The following TOP1 variants were observed in gnomAD, a reference collection of about 807,000 sequenced individuals.
TOP1 encodes the protein DNA topoisomerase I.
Under a neutral mutation model 111.1 loss-of-function variants are expected in TOP1, and 10 were observed. The ratio of observed to expected loss-of-function variants is 0.09; its 90% CI spans 0.06 to 0.15. The LOEUF (loss-of-function observed/expected upper bound fraction) is 0.15. Among genes scored for constraint, TOP1 ranks in the 10% least tolerant of loss-of-function variants. TOP1 has a pLI of 1.00. For missense variants in TOP1, 474 were observed against 926.7 expected (o/e 0.51, Z 6.34); for synonymous variants, 271 against 302.9 (o/e 0.89, Z 1.10).
At position 41,097,345 on chromosome 20, in the gene TOP1, C is replaced by G. The variant is rs1194761319; in HGVS notation, c.852+4C>G. 1 of 1,611,974 alleles carries G rather than the reference C, an allele frequency of 6.2e-7. No homozygotes were observed. Among genetic ancestry groups the G allele is most frequent in the Non-Finnish European group, 8.5e-7 (1 of 1,179,088 alleles). ...TTTCTTTAAAGACTGGAGAAAGGTACTGTAGCCCATGTGTTAATATCCTAG... is the reference window on the plus strand; with the variant it reads ...TTTCTTTAAAGACTGGAGAAAGGTAGTGTAGCCCATGTGTTAATATCCTAG... On this transcript the variant is annotated splice_donor_region_variant and intron_variant, in intron 10 of 20. Coordinates refer to ENST00000361337, the MANE Select transcript of TOP1 (RefSeq NM_003286.4). The surrounding 1 kb of genome is among the most constrained non-coding windows in gnomAD (Gnocchi z 4.2).
At chr20:41,113,916 G>GT in intron 14 of TOP1, 54 bp from the exon 15 acceptor site, 2 of 1,148,434 alleles carry the variant, frequency 1.7e-6, no homozygotes, top group Non-Finnish European at 2.5e-6. Flanking sequence ...ACGAAATTGT[G>GT]TAAGGATCAT....
chr20:41,061,513 C>A lies in TOP1; in HGVS notation c.155+23C>A. Reference sequence around the variant, plus strand: ...CAGGTAAGGGTGGAATCAAGCAAGTCCCTCATCATTCAGCAGTGGGTTGGC... The same window carrying A: ...CAGGTAAGGGTGGAATCAAGCAAGTACCTCATCATTCAGCAGTGGGTTGGC... On this transcript the variant is annotated intron_variant, in intron 3 of 20. Coordinates refer to ENST00000361337, the MANE Select transcript of TOP1 (RefSeq NM_003286.4). This position sits in a 1 kb window ranked among gnomAD's most constrained non-coding sequence, Gnocchi z 4.6. 6.4e-7 allele frequency: 1 copy of A among 1,560,442 alleles called. No homozygotes were observed. The highest frequency in any genetic ancestry group is 1.2e-5 in the South Asian group (1 of 86,194).
intron 13 of TOP1, among the ~76,000 whole-genome samples, chr20:41,104,721 C>T (rs1452260327): frequency 1.3e-5 from 2 of 152,118 alleles, no homozygotes; most frequent in Non-Finnish European, 2.9e-5. Context: ...CAATAGGAGT[C>T]ATTAAAGGCC....
chr20:41,084,616 C>G (rs1273613868), intron 8 of TOP1, 48 bp downstream of exon 8: 1 of 1,068,186 alleles, frequency 9.4e-7, no homozygotes, highest in Non-Finnish European at 1.3e-6. Flanking sequence ...TATTGCATAT[C>G]CTTACGAAGC....
At chr20:41,113,379 AAT>A (rs2034273450) in intron 14 of TOP1, among the ~76,000 whole-genome samples, 1 of 152,096 alleles carries the variant, frequency 6.6e-6, no homozygotes, top group African/African-American at 2.4e-5. Flanking sequence ...TGCCTTATTT[AAT>A]TTTTTTTTTC....
intron 2 of TOP1, among the ~76,000 whole-genome samples, chr20:41,049,674 A>G (rs1412775475): frequency 3.3e-5 from 5 of 152,176 alleles, no homozygotes; most frequent in African/African-American, 1.2e-4. Context: ...TATGCTTATT[A>G]TGAAACTTGA....
At chr20:41,031,395 C>T (rs995531243) in intron 2 of TOP1, among the ~76,000 whole-genome samples, 4 of 152,152 alleles carry the variant, frequency 2.6e-5, no homozygotes, top group Non-Finnish European at 5.9e-5. Flanking sequence ...CAAAGTTTAG[C>T]CCTTTCTTGT....
chr20:41,093,603 T>C (rs1245509523), intron 9 of TOP1, among the ~76,000 whole-genome samples: 1 of 152,152 alleles, frequency 6.6e-6, no homozygotes, highest in African/African-American at 2.4e-5. Flanking sequence ...CCCCACTGTT[T>C]TCTTCTCACC....
intron 2 of TOP1, among the ~76,000 whole-genome samples, chr20:41,059,409 AAAATAAATAAATAAATAAAT>A (rs55866021): frequency 1.5e-4 from 21 of 138,042 alleles, no homozygotes; most frequent in East Asian, 4.2e-4. Context: ...AAACTGCTAG[AAAATAAATAAATAAATAAAT>A]AAATAAATAA....
At chr20:41,108,357 A>C (rs1192679548) in intron 13 of TOP1, among the ~76,000 whole-genome samples, 1 of 152,246 alleles carries the variant, frequency 6.6e-6, no homozygotes, top group Non-Finnish European at 1.5e-5. Context: ...CAATTTAAAA[A>C]ATTAAAGGAA....
chr20:41,086,262 CAAAAAAAAAAA>C (rs561307231), intron 8 of TOP1, among the ~76,000 whole-genome samples: 2 of 93,510 alleles, frequency 2.1e-5, no homozygotes, highest in African/African-American at 7.0e-5. Context: ...GACTCTGTCT[CAAAAAAAAAAA>C]AAAGAAAAAA....
rs1205931136 is a variant in TOP1, at chr20:41,101,374, T to C, written c.1308+21T>C. On this transcript the variant is annotated intron_variant, in intron 13 of 20. Transcript: ENST00000361337. This position sits in a 1 kb window ranked among gnomAD's most constrained non-coding sequence, Gnocchi z 4.1. ...TCAAGGTAAGGGGATAGTTGAGAGC[T>C]GCACTGGTTCATGGTGCTGATAACC... is the stretch of plus-strand genomic sequence containing the variant. The C allele has an allele frequency of 6.2e-7, 1 of 1,609,914 alleles. No homozygotes were observed. Among genetic ancestry groups the C allele is most frequent in the Admixed American group, 1.7e-5 (1 of 59,860 alleles).
In TOP1 at chr20:41,094,475, A is replaced by G. The variant is rs931666736; in HGVS notation, c.730+1888A>G. Among the ~76,000 whole-genome samples, 1 of 152,172 alleles carries G rather than the reference A, an allele frequency of 6.6e-6. No homozygotes were observed. Among genetic ancestry groups the G allele is most frequent in the Non-Finnish European group, 1.5e-5 (1 of 68,026 alleles). Reference sequence around the variant, plus strand: ...GATGGGAGGGAAAGCTAGATTCCCTAGTCCTGTGGTTTCTCTTCCTTTTCA... The same window carrying G: ...GATGGGAGGGAAAGCTAGATTCCCTGGTCCTGTGGTTTCTCTTCCTTTTCA... On this transcript the variant is annotated intron_variant, in intron 9 of 20. Transcript: ENST00000361337. This position sits in a 1 kb window ranked among gnomAD's most constrained non-coding sequence, Gnocchi z 4.4.
At chr20:41,117,164 C>A (rs1048267916) in intron 17 of TOP1, among the ~76,000 whole-genome samples, 1 of 151,990 alleles carries the variant, frequency 6.6e-6, no homozygotes, top group Non-Finnish European at 1.5e-5. Context: ...CCAGCCTGGG[C>A]AATGTAGTGA....
chr20:41,072,433 A>T, intron 3 of TOP1: 1 of 985,394 alleles, frequency 1.0e-6, no homozygotes, highest in South Asian at 4.7e-5. Flanking sequence ...AAAAAGACAT[A>T]CATGTTAGAA....
In TOP1 at chr20:41,029,210, C is replaced by G. The variant is rs1015732753; in HGVS notation, c.33+110C>G. The stretch of plus-strand genomic sequence containing the variant: ...GCCCGGCAGCTTTGACAGGCCGGAG[C>G]CCCCGGTGAGGGGCCGCCTGCCGGA... On this transcript the variant is annotated intron_variant, in intron 1 of 20. Coordinates refer to ENST00000361337, the MANE Select transcript of TOP1 (RefSeq NM_003286.4). This position sits in a 1 kb window ranked among gnomAD's most constrained non-coding sequence, Gnocchi z 6.1. 1 of 946,834 alleles carries G rather than the reference C, an allele frequency of 1.1e-6. No homozygotes were observed. The highest frequency in any genetic ancestry group is 4.2e-5 in the Admixed American group (1 of 23,548). The allele number at this position is 946,834 out of a possible 1,614,324, so 58.7% of individuals were successfully genotyped here.
Position 41,117,446 on chromosome 20 carries a change from C to T in TOP1, c.1823-723C>T, listed in dbSNP as rs545517471. Among the ~76,000 whole-genome samples the T allele has an allele frequency of 6.2e-4, 75 of 121,802 alleles. 1 individual carries two copies. Among genetic ancestry groups the T allele is most frequent in the African/African-American group, 2.3e-3 (70 of 30,366 alleles). The allele number at this position is 121,802 out of a possible 152,430, so 79.9% of individuals were successfully genotyped here. A position where few individuals can be genotyped will look rare whatever the true frequency, so the allele number is the denominator to read the frequency against. ...TGTCACCCAGGTTGGAGTGCAGTGG[C>T]GCGATCTCGGCTCACTGCAAGCTCC... is the stretch of plus-strand genomic sequence containing the variant. On this transcript the variant is annotated intron_variant, in intron 17 of 20. Coordinates refer to ENST00000361337, the MANE Select transcript of TOP1 (RefSeq NM_003286.4).
Position 41,098,478 on chromosome 20 carries a change from C to G in TOP1, c.975+141C>G. ...GCTAAAGACTTAGAGTTCTCAAAGTCTAAATTTTCTTAAAGGTTTTAGTTA... is the reference window on the plus strand; with the variant it reads ...GCTAAAGACTTAGAGTTCTCAAAGTGTAAATTTTCTTAAAGGTTTTAGTTA... On this transcript the variant is annotated intron_variant, in intron 11 of 20. Coordinates refer to ENST00000361337, the MANE Select transcript of TOP1 (RefSeq NM_003286.4). This position sits in a 1 kb window ranked among gnomAD's most constrained non-coding sequence, Gnocchi z 5.7. The G allele has an allele frequency of 1.0e-6, 1 of 972,462 alleles. No individual in the cohort carries two copies. Among genetic ancestry groups the G allele is most frequent in the South Asian group, 1.8e-5 (1 of 56,230 alleles). The allele number at this position is 972,462 out of a possible 1,614,324, so 60.2% of individuals were successfully genotyped here.
At chr20:41,103,608 G>C (rs1278498472) in intron 13 of TOP1, among the ~76,000 whole-genome samples, 1 of 151,894 alleles carries the variant, frequency 6.6e-6, no homozygotes, top group African/African-American at 2.4e-5. Context: ...TGGGGTTCAG[G>C]GATGGCCTTT....
Sources: gnomAD v4.1 joint callset for allele counts (sites outside exome capture counted in the v4.1 genomes callset) on GRCh38, gnomAD v4.1.1 for gene constraint, Gnocchi (gnomAD v3.1) non-coding constraint, MANE v1.5 for transcripts, NCBI Gene and HGNC (gene_info 2026-07-23, HGNC 2026-07-21) for gene names.